Variants in CACYBP observed in about 807,000 individuals in gnomAD.
The protein encoded by CACYBP is calcyclin binding protein, also known as calcyclin-binding protein.
Under a neutral mutation model 29.6 loss-of-function variants are expected in CACYBP, and 11 were observed. The observed-to-expected ratio is 0.37, with a 90% confidence interval of 0.23 to 0.61. The LOEUF (loss-of-function observed/expected upper bound fraction) is 0.61. Among genes scored for constraint, CACYBP ranks in the 20% least tolerant of loss-of-function variants. CACYBP has a pLI of 0.65. For missense variants in CACYBP, 163 were observed against 260.7 expected, an observed-to-expected ratio of 0.63 and a Z score of 2.58; for synonymous variants, 73 against 88.3, an observed-to-expected ratio of 0.83 and a Z score of 0.97.
intron 1 of CACYBP, among the ~76,000 whole-genome samples, chr1:175,004,195 C>T (rs1447214421): frequency 1.3e-5 from 2 of 152,180 alleles, no homozygotes; most frequent in African/African-American, 4.8e-5. Context: ...ACCATGGTCA[C>T]TGCATGTTCT....
At chr1:175,005,559 T>C (rs1672600748) in intron 2 of CACYBP, among the ~76,000 whole-genome samples, 1 of 151,942 alleles carries the variant, frequency 6.6e-6, no homozygotes, top group South Asian at 2.1e-4. Flanking sequence ...ATTCAGCAAG[T>C]CAAAAAGGAG....
chr1:175,002,553 A>C (rs1672518724), intron 1 of CACYBP, among the ~76,000 whole-genome samples: 1 of 152,240 alleles, frequency 6.6e-6, no homozygotes, highest in Non-Finnish European at 1.5e-5. Context: ...AAGAGAAATA[A>C]AATTTTTATA....
At chr1:175,008,182 T>C (rs1338989042) in intron 4 of CACYBP, among the ~76,000 whole-genome samples, 7 of 152,088 alleles carry the variant, frequency 4.6e-5, no homozygotes, top group African/African-American at 2.4e-5. Flanking sequence ...ACCCCTCTTA[T>C]TATATTACTG....
Position 175,010,780 on chromosome 1 carries a change from A to AAAGTT in CACYBP, c.*707_*711dup, listed in dbSNP as rs1002758364. 5 of 152,320 alleles carry AAAGTT rather than the reference A, an allele frequency of 3.3e-5. No individual in the cohort carries two copies. The highest frequency in any genetic ancestry group is 2.1e-4 in the South Asian group (1 of 4,834). The allele number at this position is 152,320 out of a possible 1,614,324, so 9.4% of individuals were successfully genotyped here. A position where few individuals can be genotyped will look rare whatever the true frequency, so the allele number is the denominator to read the frequency against. On this transcript the variant is annotated 3_prime_UTR_variant, in exon 6 of 6. Coordinates refer to ENST00000367679, the MANE Select transcript of CACYBP (RefSeq NM_014412.3). ...AAGCCCGTCTATTCCTATGCTCAAT[A>AAAGTT]AAGTTAAGTTTTTCTTCATTAGAAC... is the stretch of plus-strand genomic sequence containing the variant.
chr1:175,000,078 C>A lies in CACYBP; in HGVS notation c.-103C>A. 2 of 1,474,046 alleles carry A rather than the reference C, an allele frequency of 1.4e-6. No individual in the cohort carries two copies. Among genetic ancestry groups the A allele is most frequent in the South Asian group, 1.2e-5 (1 of 82,706 alleles). The allele number at this position is 1,474,046 out of a possible 1,614,324, so 91.3% of individuals were successfully genotyped here. A position where few individuals can be genotyped will look rare whatever the true frequency, so the allele number is the denominator to read the frequency against. ...GGGCGCAGGCTGCAGCGCCGCGACT[C>A]GTGCGGGTAGGCGTCTGCGCTCGGT... is the stretch of plus-strand genomic sequence containing the variant. On this transcript the variant is annotated 5_prime_UTR_variant, in exon 1 of 6. Coordinates refer to ENST00000367679, the MANE Select transcript of CACYBP (RefSeq NM_014412.3).
chr1:175,005,349 C>T lies in CACYBP; in HGVS notation c.235+516C>T, dbSNP rs1396899989. Among the ~76,000 whole-genome samples the T allele has an allele frequency of 2.0e-5, 3 of 152,136 alleles. No homozygotes were observed. The East Asian group carries it at 5.8e-4, about 29-fold the overall frequency. On this transcript the variant is annotated intron_variant, in intron 2 of 5. Transcript: ENST00000367679. The stretch of plus-strand genomic sequence containing the variant: ...ACAATGTAGTAATACTGTTTTCCTT[C>T]AATGGTGTATACAGTTTTTTGTTTT...
intron 4 of CACYBP, among the ~76,000 whole-genome samples, chr1:175,007,697 A>G (rs1333888794): frequency 6.6e-6 from 1 of 152,220 alleles, no homozygotes; most frequent in Admixed American, 6.5e-5. Context: ...CTGAAGTGCA[A>G]TACCATTATG....
At chr1:175,005,101 T>TTGG (rs199946453) in intron 2 of CACYBP, 10,270 of 423,340 alleles carry the variant, frequency 0.024, 208 homozygotes, top group Non-Finnish European at 0.031. Flanking sequence ...AGACACAGCT[T>TTGG]TGGTGGTGGT....
chr1:175,005,867 GC>G (rs1328792348), intron 2 of CACYBP, among the ~76,000 whole-genome samples: 1 of 152,000 alleles, frequency 6.6e-6, no homozygotes, highest in Non-Finnish European at 1.5e-5. Context: ...CCCCACTAGG[GC>G]ATTTTTTCAT....
chr1:175,003,032 G>C (rs888230474), intron 1 of CACYBP, among the ~76,000 whole-genome samples: 4 of 151,906 alleles, frequency 2.6e-5, no homozygotes, highest in Non-Finnish European at 5.9e-5. Flanking sequence ...ATGCTCAAAA[G>C]ATGAGTTTGC....
chr1:175,000,134 T>G lies in CACYBP; in HGVS notation c.-47T>G, dbSNP rs1364517640. ...GGCTCGGCGCGGGGTTTCCTGTTCC[T>G]CCTTCTGCGCGGCTGCAGCTCGGGA... On this transcript the variant is annotated 5_prime_UTR_variant, in exon 1 of 6. Coordinates refer to ENST00000367679, the MANE Select transcript of CACYBP (RefSeq NM_014412.3). 7 of 1,588,250 alleles carry G rather than the reference T, an allele frequency of 4.4e-6. No individual in the cohort carries two copies. The highest frequency in any genetic ancestry group is 4.1e-5 in the African/African-American group (3 of 73,986).
At chr1:175,009,348 G>C (rs142208744) in intron 5 of CACYBP, among the ~76,000 whole-genome samples, 11 of 152,082 alleles carry the variant, frequency 7.2e-5, no homozygotes, top group Non-Finnish European at 1.6e-4. Context: ...TATTTTACCT[G>C]TCAAAAATCA....
At chr1:175,009,760 T>C (rs1672704376) in intron 5 of CACYBP, among the ~76,000 whole-genome samples, 163 bp from the exon 6 acceptor site, 1 of 152,208 alleles carries the variant, frequency 6.6e-6, no homozygotes, top group African/African-American at 2.4e-5. Flanking sequence ...GTGTGTGTTG[T>C]TTTCATTAAG....
chr1:175,004,481 A>C, intron 1 of CACYBP, 133 bp from the exon 2 acceptor site: 1 of 578,030 alleles, frequency 1.7e-6, no homozygotes, highest in South Asian at 2.9e-5. Flanking sequence ...TGAAGTTGCA[A>C]CTCAATCCTA....
chr1:175,001,295 T>G (rs1672483012), intron 1 of CACYBP, among the ~76,000 whole-genome samples: 1 of 152,180 alleles, frequency 6.6e-6, no homozygotes, highest in South Asian at 2.1e-4. Context: ...GAAATATACA[T>G]TTGAGGGCAC....
intron 5 of CACYBP, 90 bp from the exon 6 acceptor site, chr1:175,009,833 C>A: frequency 1.1e-6 from 1 of 944,466 alleles, no homozygotes; most frequent in East Asian, 2.5e-5. Context: ...CCTTCTTATC[C>A]CTCTACTTCC....
intron 2 of CACYBP, 28 bp from the exon 3 acceptor site, chr1:175,006,717 A>G: frequency 8.6e-7 from 1 of 1,164,770 alleles, no homozygotes; most frequent in South Asian, 1.2e-5. Context: ...AGGCTTACTT[A>G]CGTCCCATCT....
intron 1 of CACYBP, among the ~76,000 whole-genome samples, chr1:175,004,243 A>T (rs1311622644): frequency 6.6e-6 from 1 of 152,200 alleles, no homozygotes. Context: ...CTAACATCTA[A>T]TGACACTCGG....
At chr1:174,999,641 G>A (rs920832934), upstream of CACYBP, 18 of 225,512 alleles carry the variant, frequency 8.0e-5, no homozygotes, top group Non-Finnish European at 1.2e-4. Context: ...TAGAGCGGAC[G>A]AAAGCAGGTG....
Sources: allele counts gnomAD v4.1 joint callset (sites outside exome capture counted in the v4.1 genomes callset), GRCh38; gene constraint gnomAD v4.1.1; transcripts MANE v1.5; gene names NCBI Gene and HGNC (gene_info 2026-07-23, HGNC 2026-07-21).